RMDN2: variants seen among roughly 807,000 people sequenced by gnomAD.
RMDN2 encodes regulator of microtubule dynamics protein 2.
Under a neutral mutation model 52.8 loss-of-function variants are expected in RMDN2, and 61 were observed. That is an observed-to-expected ratio of 1.16 (90% confidence interval 0.94 to 1.43). The LOEUF (loss-of-function observed/expected upper bound fraction) is 1.43. Among genes scored for constraint, RMDN2 ranks in the 40% most tolerant of loss-of-function variants. The probability of loss-of-function intolerance (pLI) is 0.00; values close to 1 mark genes in which losing one functional copy is unlikely to be tolerated. For synonymous variants in RMDN2, 180 were observed against 153.1 expected, an observed-to-expected ratio of 1.18 and a Z score of -1.30; for missense variants, 592 against 475.3, an observed-to-expected ratio of 1.25 and a Z score of -2.28.
At chr2:37,950,465 C>A (rs117906279) in intron 2 of RMDN2, 3 of 1,611,038 alleles carry the variant, frequency 1.9e-6, no homozygotes, top group East Asian at 4.5e-5. Flanking sequence ...GTTAACTCCA[C>A]ATGCAGCTTG....
intron 10 of RMDN2, chr2:38,030,010 G>A (rs1439120128): frequency 5.6e-4 from 85 of 152,046 alleles, no homozygotes; most frequent in Admixed American, 5.1e-3. Flanking sequence ...TCACTACCAC[G>A]AGAACAGTAT....
upstream of RMDN2, among the ~76,000 whole-genome samples, chr2:37,924,466 A>G (rs188809266): frequency 6.6e-6 from 1 of 152,290 alleles, no homozygotes; most frequent in African/African-American, 2.4e-5. Flanking sequence ...CCGGGTTCAA[A>G]CGATTCTCCT....
chr2:37,970,789 C>T (rs1223510711), intron 2 of RMDN2, among the ~76,000 whole-genome samples: 1 of 152,056 alleles, frequency 6.6e-6, no homozygotes, highest in East Asian at 1.9e-4. Context: ...AAGATAATAG[C>T]TTTATACCTT....
intron 10 of RMDN2, among the ~76,000 whole-genome samples, chr2:38,064,484 C>T (rs1180029833): frequency 6.7e-6 from 1 of 149,560 alleles, no homozygotes; most frequent in Non-Finnish European, 1.5e-5. Context: ...AGCGAGACTC[C>T]ATCTCAAAAA....
chr2:38,021,397 G>A (rs1190251695), downstream of RMDN2, among the ~76,000 whole-genome samples: 3 of 152,146 alleles, frequency 2.0e-5, no homozygotes, highest in African/African-American at 7.2e-5. Flanking sequence ...CCTCTGCACT[G>A]TGGAAGCTTT....
At position 37,997,458 on chromosome 2, in the gene RMDN2, C is replaced by G. The variant is rs1052591817; in HGVS notation, c.988C>G (p.Leu330Val). The G allele has an allele frequency of 1.2e-6, 2 of 1,613,798 alleles. No homozygotes were observed. Among genetic ancestry groups the G allele is most frequent in the African/African-American group, 1.3e-5 (1 of 74,912 alleles). ...SWIEKKMAAT[L>V]FGKIPSSTVQ... ...GATTGAGAAAAAAATGGCTGCTACT[C>G]TGTTTGGAAAAATACCATCTTCAAC... Residue 330 changes from leucine (L) to valine (V), a missense_variant, in exon 8 of 11, where the codon CTG (leucine) becomes GTG (valine). By Grantham distance (32) the Leu-to-Val change is conservative. Transcript: ENST00000354545.
At chr2:37,947,941 G>A (rs1459298467) in intron 2 of RMDN2, among the ~76,000 whole-genome samples, 4 of 152,126 alleles carry the variant, frequency 2.6e-5, no homozygotes, top group African/African-American at 9.7e-5. Flanking sequence ...TGTCATCTAG[G>A]TACCAGGAGG....
chr2:38,060,853 C>A (rs1558595850), intron 10 of RMDN2, among the ~76,000 whole-genome samples: 1 of 152,146 alleles, frequency 6.6e-6, no homozygotes, highest in Non-Finnish European at 1.5e-5. Context: ...TGGGAGATCC[C>A]CCCAAACAGA....
intron 5 of RMDN2, 124 bp downstream of exon 5, chr2:37,981,467 G>C: frequency 1.5e-6 from 1 of 648,376 alleles, no homozygotes; most frequent in Non-Finnish European, 2.8e-6. Flanking sequence ...TGAAAAATAT[G>C]TATAATAGCA....
intron 2 of RMDN2, among the ~76,000 whole-genome samples, chr2:37,933,790 A>AGGGGAG (rs1667061538): frequency 6.6e-6 from 1 of 151,940 alleles, no homozygotes; most frequent in Non-Finnish European, 1.5e-5. Flanking sequence ...GACCGTGGAA[A>AGGGGAG]GGGGAGAGGG....
intron 10 of RMDN2, among the ~76,000 whole-genome samples, chr2:38,004,967 C>T (rs368945796): frequency 7.2e-5 from 11 of 151,782 alleles, no homozygotes; most frequent in East Asian, 1.9e-4. Flanking sequence ...TTTGTCCTTG[C>T]GATAGTTTGC....
intron 7 of RMDN2, among the ~76,000 whole-genome samples, chr2:37,993,093 A>G (rs887442829): frequency 1.3e-5 from 2 of 151,548 alleles, no homozygotes; most frequent in Non-Finnish European, 2.9e-5. Context: ...TTTTTATTTT[A>G]TTTTTATTTT....
At chr2:37,996,122 G>T (rs1572996889) in intron 7 of RMDN2, among the ~76,000 whole-genome samples, 1 of 152,100 alleles carries the variant, frequency 6.6e-6, no homozygotes, top group Admixed American at 6.5e-5. Flanking sequence ...CTGAACTTCA[G>T]TCATACTCAT....
chr2:38,046,907 C>T (rs1681307870), intron 10 of RMDN2, among the ~76,000 whole-genome samples: 1 of 151,924 alleles, frequency 6.6e-6, no homozygotes, highest in Non-Finnish European at 1.5e-5. Context: ...CGCTTGAACC[C>T]AGGAGGCGGA....
Position 37,991,268 on chromosome 2 carries a change from T to A in RMDN2, c.916T>A (p.Tyr306Asn). The A allele has an allele frequency of 6.3e-7, 1 of 1,587,950 alleles. No homozygotes were observed. The highest frequency in any genetic ancestry group is 8.6e-7 in the Non-Finnish European group (1 of 1,164,572). Residue 306 changes from tyrosine to asparagine, a missense_variant, in exon 7 of 11, where the codon TAT becomes AAT. By Grantham distance (143) the Tyr-to-Asn change is moderately radical. Transcript: ENST00000354545. ...ACTTTTACCAGAGGAACCCTTTCTA[T>A]ATTACCTCAAAGGGAGATACTGCTA... The part of the protein sequence containing the change: ...IKLLPEEPFL[Y>N]YLKGRYCYTV...
rs149119744 is a variant in RMDN2 at position 37,994,183 on chromosome 2, C to T, written c.945+2886C>T. Among the ~76,000 whole-genome samples, 900 of 152,260 alleles carry T rather than the reference C, an allele frequency of 5.9e-3. 11 individuals carry two copies. Among genetic ancestry groups the T allele is most frequent in the African/African-American group, 0.02 (846 of 41,554 alleles). ...AGCAGAAAACAAAACAAAAAACCAG[C>T]AGTGGACCTAAAAAGACTTCAGATT... On this transcript the variant is annotated intron_variant, in intron 7 of 10. Coordinates refer to ENST00000354545, the MANE Select transcript of RMDN2 (RefSeq NM_001170791.3).
intron 10 of RMDN2, among the ~76,000 whole-genome samples, chr2:38,040,560 G>T (rs1680889901): frequency 6.6e-6 from 1 of 152,170 alleles, no homozygotes; most frequent in Non-Finnish European, 1.5e-5. Context: ...CCAGCCTCCA[G>T]AACTGTAAAC....
intron 2 of RMDN2, among the ~76,000 whole-genome samples, chr2:37,956,829 C>T (rs1669538484): frequency 6.6e-6 from 1 of 151,744 alleles, no homozygotes; most frequent in African/African-American, 2.4e-5. Flanking sequence ...CAACAGCCCA[C>T]AGTGTGTGAT....
At chr2:38,043,958 C>T (rs1211626379) in intron 10 of RMDN2, among the ~76,000 whole-genome samples, 1 of 151,970 alleles carries the variant, frequency 6.6e-6, no homozygotes, top group African/African-American at 2.4e-5. Flanking sequence ...TGATGTTCTC[C>T]TTTCTTTATC....
Sources: allele counts gnomAD v4.1 joint callset (sites outside exome capture counted in the v4.1 genomes callset), GRCh38; gene constraint gnomAD v4.1.1; transcripts MANE v1.5; gene names NCBI Gene and HGNC (gene_info 2026-07-23, HGNC 2026-07-21).